DTNA: variants seen among roughly 807,000 people sequenced by gnomAD.
DTNA encodes dystrobrevin alpha.
Under a neutral mutation model 100.7 loss-of-function variants are expected in DTNA, and 43 were observed. That is an observed-to-expected ratio of 0.43 (90% CI 0.33 to 0.55). The LOEUF is 0.55. Among genes scored for constraint, DTNA ranks in the 20% least tolerant of loss-of-function variants. DTNA has a pLI of 0.04. For synonymous variants in DTNA, 349 were observed against 347.9 expected (o/e 1.00, Z -0.04); for missense variants, 798 against 953.9 (o/e 0.84, Z 2.15).
chr18:34,616,082 A>G (rs2055221574), intron 1 of DTNA, among the ~76,000 whole-genome samples: 1 of 152,214 alleles, frequency 6.6e-6, no homozygotes, highest in Non-Finnish European at 1.5e-5. Flanking sequence ...AGAACAATTT[A>G]TATTCCTTTG....
chr18:34,876,072 C>T (rs1009524328), intron 18 of DTNA, among the ~76,000 whole-genome samples: 4 of 152,034 alleles, frequency 2.6e-5, no homozygotes, highest in Non-Finnish European at 4.4e-5. Context: ...AGACCTTCAC[C>T]GGCAGCTTTC....
At chr18:34,514,040 T>G (rs1417181284) in intron 1 of DTNA, 1 of 152,104 alleles carries the variant, frequency 6.6e-6, no homozygotes. Context: ...TCATTTAAAT[T>G]GTGCACAGAG....
chr18:34,815,275 T>C (rs957742372), intron 6 of DTNA, among the ~76,000 whole-genome samples: 12 of 152,162 alleles, frequency 7.9e-5, no homozygotes, highest in Non-Finnish European at 1.6e-4. Context: ...AAGAAACTTA[T>C]AGATACAATG....
At chr18:34,853,044 T>C (rs1362116764) in intron 15 of DTNA, among the ~76,000 whole-genome samples, 1 of 152,182 alleles carries the variant, frequency 6.6e-6, no homozygotes, top group African/African-American at 2.4e-5. Flanking sequence ...GGCCTGGCAA[T>C]TGTAGAAGCT....
At chr18:34,504,029 T>C (rs944242418) in intron 1 of DTNA, 3 of 151,930 alleles carry the variant, frequency 2.0e-5, no homozygotes, top group African/African-American at 7.3e-5. Context: ...CTTTTTTTTT[T>C]GTATTTTTAG....
intron 2 of DTNA, among the ~76,000 whole-genome samples, chr18:34,760,504 A>G (rs2093076317): frequency 1.3e-5 from 2 of 152,224 alleles, no homozygotes; most frequent in African/African-American, 4.8e-5. Context: ...GGCAGCACAT[A>G]AACTAAACTT....
chr18:34,673,603 A>G (rs1372578013), intron 1 of DTNA, among the ~76,000 whole-genome samples: 2 of 152,122 alleles, frequency 1.3e-5, no homozygotes, highest in Non-Finnish European at 2.9e-5. Flanking sequence ...CACCTTTAAA[A>G]CAGTTGACTG....
chr18:34,511,189 G>A (rs1291805286), intron 1 of DTNA, among the ~76,000 whole-genome samples: 1 of 151,908 alleles, frequency 6.6e-6, no homozygotes, highest in Non-Finnish European at 1.5e-5. Flanking sequence ...TGATCCCCAC[G>A]GAAAGAAAAA....
rs945601893 is a variant in DTNA at position 34,851,708 on chromosome 18, G to T, written c.1435-123G>T. The stretch of plus-strand genomic sequence containing the variant: ...AATGGCAATTGAATTTTATGTATTT[G>T]CTTTCTTTGTTTTGATAGAAATAAT... On this transcript the variant is annotated intron_variant, in intron 14 of 22. Coordinates refer to ENST00000444659, the MANE Select transcript of DTNA (RefSeq NM_001386795.1). 5.5e-6 allele frequency: 6 copies of T among 1,100,688 alleles called. No homozygotes were observed. The African/African-American group carries it at 7.9e-5, about 14-fold the overall frequency. 68.2% of individuals were successfully genotyped at this position (1,100,688 alleles called of 1,614,324 possible).
intron 2 of DTNA, among the ~76,000 whole-genome samples, chr18:34,764,269 TC>T (rs1468841712): frequency 6.6e-6 from 1 of 152,214 alleles, no homozygotes; most frequent in African/African-American, 2.4e-5. Context: ...TATTGTTATC[TC>T]GCTTTATCCA....
chr18:34,821,556 C>A, intron 9 of DTNA: 2 of 455,734 alleles, frequency 4.4e-6, no homozygotes, highest in Non-Finnish European at 8.8e-6. Flanking sequence ...AGTTTCATGC[C>A]TTTGAACCTC....
chr18:34,882,389 G>A (rs1203864604), intron 21 of DTNA, among the ~76,000 whole-genome samples, 188 bp downstream of exon 21: 1 of 151,046 alleles, frequency 6.6e-6, no homozygotes, highest in Non-Finnish European at 1.5e-5. Context: ...TTTTTTTTAA[G>A]ACAGAATTTC....
At chr18:34,704,593 G>A (rs1333529709) in intron 1 of DTNA, among the ~76,000 whole-genome samples, 1 of 152,054 alleles carries the variant, frequency 6.6e-6, no homozygotes, top group African/African-American at 2.4e-5. Context: ...TATTGTTATA[G>A]CTACAGTTAG....
chr18:34,557,494 T>C (rs1328008777), intron 1 of DTNA, among the ~76,000 whole-genome samples: 6 of 151,992 alleles, frequency 3.9e-5, no homozygotes, highest in Middle Eastern at 3.4e-3. Context: ...CCCATCTTTG[T>C]GGTTTTATCT....
intron 1 of DTNA, among the ~76,000 whole-genome samples, chr18:34,658,970 G>C (rs1354619837): frequency 1.3e-5 from 2 of 152,222 alleles, no homozygotes; most frequent in African/African-American, 4.8e-5. Context: ...GTGCTATGGA[G>C]TATGTTGCAC....
chr18:34,690,406 C>G (rs746138678), intron 1 of DTNA, among the ~76,000 whole-genome samples: 1 of 152,184 alleles, frequency 6.6e-6, no homozygotes, highest in Non-Finnish European at 1.5e-5. Flanking sequence ...TAACCTCTTG[C>G]GCTTCCCGGG....
chr18:34,759,418 G>C (rs2092992672), intron 2 of DTNA, among the ~76,000 whole-genome samples: 1 of 152,154 alleles, frequency 6.6e-6, no homozygotes, highest in Non-Finnish European at 1.5e-5. Flanking sequence ...TTTAGGGACA[G>C]ACCTAGGACA....
intron 1 of DTNA, among the ~76,000 whole-genome samples, chr18:34,665,575 C>T (rs2075807331): frequency 1.3e-5 from 2 of 152,240 alleles, no homozygotes; most frequent in South Asian, 4.1e-4. Flanking sequence ...CCTCCCCACT[C>T]CCTCCACCCC....
intron 1 of DTNA, among the ~76,000 whole-genome samples, chr18:34,507,608 G>A (rs550966471): frequency 6.6e-6 from 1 of 152,130 alleles, no homozygotes; most frequent in East Asian, 1.9e-4. Flanking sequence ...GGAAATTCAT[G>A]AAAAAGACAA....
Sources: allele counts gnomAD v4.1 joint callset (sites outside exome capture counted in the v4.1 genomes callset), GRCh38; gene constraint gnomAD v4.1.1; transcripts MANE v1.5; gene names NCBI Gene and HGNC (gene_info 2026-07-23, HGNC 2026-07-21).